Variants in ARHGEF28 observed in about 807,000 individuals in gnomAD.
ARHGEF28 encodes Rho guanine nucleotide exchange factor 28.
Under a neutral mutation model 206.6 loss-of-function variants are expected in ARHGEF28, and 152 were observed. The observed-to-expected ratio is 0.74, with a 90% CI of 0.64 to 0.84. The LOEUF (loss-of-function observed/expected upper bound fraction) is 0.84. Among genes scored for constraint, ARHGEF28 ranks in the 40% least tolerant of loss-of-function variants. The pLI, the probability that ARHGEF28 is intolerant of heterozygous loss-of-function variation, is 0.00. For missense variants in ARHGEF28, 2,028 were observed against 2,073.2 expected (o/e 0.98, Z 0.42); for synonymous variants, 763 against 776.4 (o/e 0.98, Z 0.29).
In ARHGEF28 at chr5:73,804,082, C is replaced by CAAAAA. The variant is rs35722039; in HGVS notation, c.1024+8712_1024+8716dup. 6.1e-3 allele frequency among the ~76,000 whole-genome samples: 390 copies of CAAAAA among 63,988 alleles called. 1 individual carries two copies. Among genetic ancestry groups the CAAAAA allele is most frequent in the Middle Eastern group, 0.011 (1 of 94 alleles). 42.0% of individuals were successfully genotyped at this position (63,988 alleles called of 152,430 possible). A position where few individuals can be genotyped will look rare whatever the true frequency, so the allele number is the denominator to read the frequency against. Reference sequence around the variant, plus strand: ...CCTGGATGACAGAGTGAGACCCTGTCAAAAAAAAAAAAAAAAAAAAAAAAA... The same window carrying CAAAAA: ...CCTGGATGACAGAGTGAGACCCTGTCAAAAAAAAAAAAAAAAAAAAAAAAAAAAAA... On this transcript the variant is annotated intron_variant, in intron 9 of 35. Coordinates refer to ENST00000513042, the MANE Select transcript of ARHGEF28 (RefSeq NM_001177693.2).
chr5:73,941,004 T>G lies in ARHGEF28; in HGVS notation c.5109T>G (p.Val1703=). Residue 1703 remains valine (V), a synonymous_variant, in exon 36 of 36, where the codon GTT becomes GTG. Coordinates refer to ENST00000513042, the MANE Select transcript of ARHGEF28 (RefSeq NM_001177693.2). The part of the protein sequence containing the change: ...ETGDGAKENI[V]YL ...GAGATGGAGCCAAAGAAAATATTGT[T>G]TACCTCTAATTGTGTTGTCATTTTT... The G allele has an allele frequency of 6.6e-7, 1 of 1,508,622 alleles. No individual in the cohort carries two copies. Among genetic ancestry groups the G allele is most frequent in the Non-Finnish European group, 8.8e-7 (1 of 1,137,894 alleles). The allele number at this position is 1,508,622 out of a possible 1,614,324, so 93.5% of individuals were successfully genotyped here. A position where few individuals can be genotyped will look rare whatever the true frequency, so the allele number is the denominator to read the frequency against.
At chr5:73,695,587 C>T (rs1243014089) in intron 2 of ARHGEF28, among the ~76,000 whole-genome samples, 2 of 152,186 alleles carry the variant, frequency 1.3e-5, no homozygotes, top group African/African-American at 4.8e-5. Flanking sequence ...CTCTTTCCAA[C>T]TTCCTGATTT....
chr5:73,868,238 G>C lies in ARHGEF28; in HGVS notation c.2425+11G>C. On this transcript the variant is annotated intron_variant, in intron 20 of 35. Coordinates refer to ENST00000513042, the MANE Select transcript of ARHGEF28 (RefSeq NM_001177693.2). ...CTTTCATAATGGAAGGTGAGGAGAA[G>C]ACACACTTCCATTTATTTGTGTTTT... is the stretch of plus-strand genomic sequence containing the variant. The C allele has an allele frequency of 6.4e-7, 1 of 1,560,570 alleles. No individual in the cohort carries two copies.
intron 1 of ARHGEF28, among the ~76,000 whole-genome samples, chr5:73,634,215 T>C (rs75320386): frequency 2.0e-5 from 3 of 152,330 alleles, no homozygotes; most frequent in African/African-American, 7.2e-5. Flanking sequence ...AGCCATTTGA[T>C]GTGTCTATGC....
intron 30 of ARHGEF28, chr5:73,900,970 G>A: frequency 2.2e-6 from 1 of 461,148 alleles, no homozygotes; most frequent in Non-Finnish European, 4.0e-6. Flanking sequence ...CGGTTCGTCA[G>A]TTGCTGTCTG....
chr5:73,785,834 C>A (rs1939536102), intron 7 of ARHGEF28, among the ~76,000 whole-genome samples: 1 of 151,926 alleles, frequency 6.6e-6, no homozygotes, highest in Admixed American at 6.6e-5. Flanking sequence ...GAAGAGAGGG[C>A]AAAATCATTT....
chr5:73,861,865 C>T lies in ARHGEF28; in HGVS notation c.2048-2952C>T, dbSNP rs183449512. Among the ~76,000 whole-genome samples the T allele has an allele frequency of 1.6e-4, 25 of 151,914 alleles. No homozygotes were observed. In the Middle Eastern group the frequency reaches 0.01, roughly 62 times the overall value. On this transcript the variant is annotated intron_variant, in intron 16 of 35. Transcript: ENST00000513042. ...TTCAAAATTTACAGTTACTTTTTGG[C>T]GGGGGGAGAGGGTGGTTTAAACTTT...
At chr5:73,666,068 T>C (rs749737533) in intron 1 of ARHGEF28, among the ~76,000 whole-genome samples, 22 of 152,210 alleles carry the variant, frequency 1.4e-4, no homozygotes, top group Non-Finnish European at 2.8e-4. Context: ...CAAAAGAATA[T>C]GTACTTCCAA....
chr5:73,752,913 T>C lies in ARHGEF28; in HGVS notation c.186T>C (p.His62=), dbSNP rs1356273260. 6.2e-7 allele frequency: 1 copy of C among 1,613,722 alleles called. No homozygotes were observed. The highest frequency in any genetic ancestry group is 8.5e-7 in the Non-Finnish European group (1 of 1,179,844). ...DNVLQSSVPG[H]GLQETVTVSV... The stretch of plus-strand genomic sequence containing the variant: ...GTTCACTGTCTTGTTGTCCAGGCCA[T>C]GGGCTTCAGGAGACGGTGACGGTAT... The change falls in exon 4 of 36, where the codon CAT becomes CAC. Residue 62 remains histidine (H), a synonymous_variant. Coordinates refer to ENST00000513042, the MANE Select transcript of ARHGEF28 (RefSeq NM_001177693.2).
chr5:73,782,885 GGGCCTAT>G (rs1753929252), intron 7 of ARHGEF28, among the ~76,000 whole-genome samples: 1 of 152,116 alleles, frequency 6.6e-6, no homozygotes, highest in Admixed American at 6.5e-5. Context: ...TTGATTACAA[GGGCCTAT>G]GGCAATGCTG....
At chr5:73,675,732 C>CAAAAAAAAAA (rs35836692) in intron 1 of ARHGEF28, among the ~76,000 whole-genome samples, 21 of 49,610 alleles carry the variant, frequency 4.2e-4, no homozygotes, top group African/African-American at 5.5e-4. Context: ...GACTCTGTCT[C>CAAAAAAAAAA]AAAAAAAAAA....
chr5:73,857,631 A>G (rs1398012963), intron 14 of ARHGEF28, 25 bp from the exon 15 acceptor site: 6 of 1,553,264 alleles, frequency 3.9e-6, no homozygotes, highest in Middle Eastern at 1.7e-4. Context: ...CATATGAGCC[A>G]TGATAACAGA....
chr5:73,720,129 T>G (rs1265131214), intron 2 of ARHGEF28, among the ~76,000 whole-genome samples: 2 of 152,220 alleles, frequency 1.3e-5, no homozygotes, highest in African/African-American at 4.8e-5. Flanking sequence ...GTATGGCAAT[T>G]TTCCTAAGGA....
intron 1 of ARHGEF28, among the ~76,000 whole-genome samples, chr5:73,633,570 A>ATTTTTTTTTTTTTTTTTTTTT (rs764440038): frequency 9.9e-6 from 1 of 101,060 alleles, no homozygotes; most frequent in Non-Finnish European, 1.9e-5. Flanking sequence ...AATACCTTTA[A>ATTTTTTTTTTTTTTTTTTTTT]TTTTTTTTTT....
intron 9 of ARHGEF28, among the ~76,000 whole-genome samples, chr5:73,804,149 G>A (rs1755301876): frequency 6.6e-6 from 1 of 150,758 alleles, no homozygotes; most frequent in Admixed American, 6.6e-5. Context: ...GAGGAAACTT[G>A]GAATGAGCTA....
At chr5:73,919,291 C>G in intron 35 of ARHGEF28, among the ~76,000 whole-genome samples, 1 of 152,258 alleles carries the variant, frequency 6.6e-6, no homozygotes, top group Non-Finnish European at 1.5e-5. Context: ...GGAAATTTTT[C>G]ACTCAGATTG....
intron 1 of ARHGEF28, among the ~76,000 whole-genome samples, chr5:73,640,821 CA>C (rs1268200266): frequency 6.6e-6 from 1 of 152,014 alleles, no homozygotes; most frequent in Non-Finnish European, 1.5e-5. Flanking sequence ...AATATAAAAC[CA>C]AAAACTGTAG....
chr5:73,844,955 AGTT>A (rs1758225936), intron 11 of ARHGEF28, among the ~76,000 whole-genome samples: 1 of 151,410 alleles, frequency 6.6e-6, no homozygotes, highest in East Asian at 1.9e-4. Flanking sequence ...TGAGGAAAAA[AGTT>A]GTTGTCAAGC....
At chr5:73,859,955 C>T (rs1363866339) in intron 16 of ARHGEF28, among the ~76,000 whole-genome samples, 1 of 152,214 alleles carries the variant, frequency 6.6e-6, no homozygotes, top group Non-Finnish European at 1.5e-5. Context: ...TACTGCTTAA[C>T]AGAAGTTCTG....
Sources: gnomAD v4.1 joint callset for allele counts (sites outside exome capture counted in the v4.1 genomes callset) on GRCh38, gnomAD v4.1.1 for gene constraint, MANE v1.5 for transcripts, NCBI Gene and HGNC (gene_info 2026-07-23, HGNC 2026-07-21) for gene names.